The following SARDH variants were observed in gnomAD, a reference collection of about 807,000 sequenced individuals.
The protein encoded by SARDH is sarcosine dehydrogenase, also known as sarcosine dehydrogenase, mitochondrial.
In SARDH, 95 loss-of-function variants were observed where a neutral mutation model predicts 109.1. The ratio of observed to expected loss-of-function variants is 0.87; its 90% CI spans 0.74 to 1.03. The LOEUF is 1.03. Ranked by LOEUF, SARDH falls within the 50% of genes least tolerant of loss-of-function variation. The pLI is 0.00. For missense variants in SARDH, 1,267 were observed against 1,287.8 expected (o/e 0.98, Z 0.25); for synonymous variants, 572 against 534.8 (o/e 1.07, Z -0.96).
Position 133,718,818 on chromosome 9 carries a change from G to C in SARDH, c.1020+120C>G. The C allele has an allele frequency of 1.2e-6, 1 of 864,486 alleles. No homozygotes were observed. Among genetic ancestry groups the C allele is most frequent in the Non-Finnish European group, 2.0e-6 (1 of 495,570 alleles). 53.6% of individuals were successfully genotyped at this position (864,486 alleles called of 1,614,324 possible). ...TGAGCTTGGTGGGGTCAGGGGACCG[G>C]CCACTTCTCAGGTGTGCCTCTGAGG... is the stretch of plus-strand genomic sequence containing the variant. On this transcript the variant is annotated intron_variant, in intron 7 of 20. Transcript: ENST00000439388. This position sits in a 1 kb window ranked among gnomAD's most constrained non-coding sequence, Gnocchi z 4.2.
intron 2 of SARDH, 47 bp downstream of exon 2, chr9:133,733,796 C>T (rs533826279): frequency 4.3e-4 from 604 of 1,400,846 alleles, no homozygotes; most frequent in Admixed American, 9.8e-4. Context: ...TGTGGCCCCT[C>T]GCTATGTCCT....
intron 19 of SARDH, among the ~76,000 whole-genome samples, chr9:133,669,642 G>A (rs952434279): frequency 6.6e-6 from 1 of 152,126 alleles, no homozygotes; most frequent in Admixed American, 6.5e-5. Context: ...CTCTCAGTGG[G>A]GAGAGCAGGA....
At chr9:133,665,972 G>A (rs928304262) in intron 20 of SARDH, among the ~76,000 whole-genome samples, 1 of 152,186 alleles carries the variant, frequency 6.6e-6, no homozygotes, top group African/African-American at 2.4e-5. Flanking sequence ...ACCTCTACTT[G>A]CAGTGCCAGA....
intron 17 of SARDH, among the ~76,000 whole-genome samples, chr9:133,676,389 G>A (rs924515052): frequency 6.6e-6 from 1 of 152,210 alleles, no homozygotes; most frequent in Non-Finnish European, 1.5e-5. Flanking sequence ...AATGGGGACA[G>A]AGCTTCAGTT....
intron 6 of SARDH, among the ~76,000 whole-genome samples, chr9:133,720,461 A>G (rs1316152894): frequency 6.6e-6 from 1 of 152,210 alleles, no homozygotes; most frequent in African/African-American, 2.4e-5. Context: ...CAACAAGAAC[A>G]TCAGGAATAC....
At chr9:133,664,339 G>C (rs1268260866) in intron 20 of SARDH, among the ~76,000 whole-genome samples, 3 of 152,208 alleles carry the variant, frequency 2.0e-5, no homozygotes, top group Non-Finnish European at 4.4e-5. Flanking sequence ...GGCTTCCCCG[G>C]ACCCGGGCAA....
At chr9:133,682,589 G>A (rs1199147405) in intron 17 of SARDH, among the ~76,000 whole-genome samples, 1 of 152,250 alleles carries the variant, frequency 6.6e-6, no homozygotes, top group East Asian at 1.9e-4. Flanking sequence ...CAAGGGTCGT[G>A]CCCAAAGTGG....
chr9:133,705,482 C>T lies in SARDH; in HGVS notation c.1471-451G>A, dbSNP rs113400953. On this transcript the variant is annotated intron_variant, in intron 11 of 20. Transcript: ENST00000439388. ...AGAACCCCCATCTATAGAATTACCA[C>T]CTGCCCTGATCTGCTCTTGCCCCAG... 4.9e-3 allele frequency among the ~76,000 whole-genome samples: 715 copies of T among 146,586 alleles called. 48 individuals carry two copies. Among genetic ancestry groups the T allele is most frequent in the African/African-American group, 0.018 (688 of 37,688 alleles).
rs747936046 is a variant in SARDH at position 133,734,084 on chromosome 9, G to A, written c.90C>T (p.Ser30=). The A allele has an allele frequency of 2.8e-5, 45 of 1,613,050 alleles. 1 individual carries two copies. In the South Asian group the frequency reaches 3.1e-4, roughly 11 times the overall value. Residue 30 remains serine, a synonymous_variant, in exon 2 of 21, where the codon AGC becomes AGT. Transcript: ENST00000439388. ...TCTTCTCGGCTGTGGGGCCAGCTGC[G>A]CTGGACAGGTTGCATGGCCCCATGC... ...TRGMGPCNLS[S]AAGPTAEKSV...
At chr9:133,708,942 G>C (rs922813968) in intron 10 of SARDH, among the ~76,000 whole-genome samples, 2 of 152,168 alleles carry the variant, frequency 1.3e-5, no homozygotes, top group African/African-American at 2.4e-5. Flanking sequence ...GCAGGGGAGT[G>C]GGGGCAAGGG....
Position 133,666,985 on chromosome 9 carries a change from G to A in SARDH, c.2496-115C>T, listed in dbSNP as rs7854480. 2 of 1,424,314 alleles carry A rather than the reference G, an allele frequency of 1.4e-6. No individual in the cohort carries two copies. The highest frequency in any genetic ancestry group is 1.9e-6 in the Non-Finnish European group (2 of 1,037,670). The allele number at this position is 1,424,314 out of a possible 1,614,324, so 88.2% of individuals were successfully genotyped here. A position where few individuals can be genotyped will look rare whatever the true frequency, so the allele number is the denominator to read the frequency against. Reference sequence around the variant, plus strand: ...TGATGCACACCCAACCGTGGCTCCAGGCAGATAGGGCTGGCCTACTAGGAC... The same window carrying A: ...TGATGCACACCCAACCGTGGCTCCAAGCAGATAGGGCTGGCCTACTAGGAC... On this transcript the variant is annotated intron_variant, in intron 19 of 20. Coordinates refer to ENST00000439388, the MANE Select transcript of SARDH (RefSeq NM_001134707.2). This position sits in a 1 kb window ranked among gnomAD's most constrained non-coding sequence, Gnocchi z 5.2.
At chr9:133,713,859 T>C (rs985518989) in intron 8 of SARDH, among the ~76,000 whole-genome samples, 1 of 152,242 alleles carries the variant, frequency 6.6e-6, no homozygotes, top group African/African-American at 2.4e-5. Context: ...TCCACAGAGC[T>C]GTGCGCTCGC....
intron 1 of SARDH, 128 bp from the exon 2 acceptor site, chr9:133,734,331 A>C: frequency 1.0e-5 from 5 of 491,938 alleles, no homozygotes; most frequent in Non-Finnish European, 1.7e-5. Flanking sequence ...TCCCCATGGC[A>C]TTCATTCATT....
intron 11 of SARDH, 41 bp from the exon 12 acceptor site, chr9:133,705,072 T>C (rs1036424184): frequency 6.5e-7 from 1 of 1,537,618 alleles, no homozygotes; most frequent in Non-Finnish European, 8.8e-7. Flanking sequence ...ACGCATGGCC[T>C]GATACCCCTG....
intron 14 of SARDH, among the ~76,000 whole-genome samples, chr9:133,694,710 C>T (rs565441394): frequency 6.6e-5 from 10 of 152,340 alleles, no homozygotes; most frequent in East Asian, 5.8e-4. Flanking sequence ...TTCATGCCCC[C>T]CGTTCATTCT....
chr9:133,718,851 G>A lies in SARDH; in HGVS notation c.1020+87C>T, dbSNP rs1002407564. On this transcript the variant is annotated intron_variant, in intron 7 of 20. Coordinates refer to ENST00000439388, the MANE Select transcript of SARDH (RefSeq NM_001134707.2). The surrounding 1 kb of genome is among the most constrained non-coding windows in gnomAD (Gnocchi z 4.2). ...TCAGGTGTGCCTCTGAGGAGCTTCA[G>A]GAGGATGGACTTCCTGAAAGAGGCC... 1 of 1,060,628 alleles carries A rather than the reference G, an allele frequency of 9.4e-7. No individual in the cohort carries two copies. Among genetic ancestry groups the A allele is most frequent in the Non-Finnish European group, 1.5e-6 (1 of 678,432 alleles). The allele number at this position is 1,060,628 out of a possible 1,614,324, so 65.7% of individuals were successfully genotyped here.
chr9:133,726,812 C>T (rs964705687), intron 6 of SARDH, among the ~76,000 whole-genome samples: 24 of 152,190 alleles, frequency 1.6e-4, no homozygotes, highest in Admixed American at 4.6e-4. Context: ...CAGCTGGTGA[C>T]GACTTCACAA....
chr9:133,712,570 A>T lies in SARDH; in HGVS notation c.1328+49T>A, dbSNP rs1417043409. ...TAGCCCTCGCTGTTTACCCCACGCC[A>T]CCTGTCCTGAGTGGCGGGCCCTGCC... On this transcript the variant is annotated intron_variant, in intron 10 of 20. Transcript: ENST00000439388. The surrounding 1 kb of genome is among the most constrained non-coding windows in gnomAD (Gnocchi z 4.1). 1 of 1,528,380 alleles carries T rather than the reference A, an allele frequency of 6.5e-7. No homozygotes were observed. Among genetic ancestry groups the T allele is most frequent in the Admixed American group, 1.7e-5 (1 of 59,714 alleles). 94.7% of individuals were successfully genotyped at this position (1,528,380 alleles called of 1,614,324 possible). A position where few individuals can be genotyped will look rare whatever the true frequency, so the allele number is the denominator to read the frequency against.
At chr9:133,697,883 G>A (rs557027626) in intron 13 of SARDH, among the ~76,000 whole-genome samples, 1 of 151,944 alleles carries the variant, frequency 6.6e-6, no homozygotes, top group African/African-American at 2.4e-5. Context: ...TTGCACTGGA[G>A]GCTCTAGCCA....
Sources: allele counts gnomAD v4.1 joint callset (sites outside exome capture counted in the v4.1 genomes callset), GRCh38; gene constraint gnomAD v4.1.1; non-coding constraint Gnocchi (gnomAD v3.1); transcripts MANE v1.5; gene names NCBI Gene and HGNC (gene_info 2026-07-23, HGNC 2026-07-21).